CHERP: variants seen among roughly 807,000 people sequenced by gnomAD.
The protein encoded by CHERP is ERPROT 213-21.
CHERP carries 8 observed loss-of-function variants against 113.8 expected under a neutral mutation model. The observed-to-expected ratio is 0.07, with a 90% CI of 0.04 to 0.13. The LOEUF (loss-of-function observed/expected upper bound fraction) is 0.13. Ranked by LOEUF, CHERP falls within the 10% of genes least tolerant of loss-of-function variation. CHERP has a pLI of 1.00. For missense variants in CHERP, 884 were observed against 1,298.2 expected, an observed-to-expected ratio of 0.68 and a Z score of 4.90; for synonymous variants, 559 against 524.5, an observed-to-expected ratio of 1.07 and a Z score of -0.90.
chr19:16,533,869 C>A (rs926410235), intron 3 of CHERP, among the ~76,000 whole-genome samples: 2 of 151,988 alleles, frequency 1.3e-5, no homozygotes, highest in Admixed American at 6.6e-5. Context: ...AGAGGATACA[C>A]CCATGGCCTC....
chr19:16,522,360 G>A (rs2085624484), intron 11 of CHERP, among the ~76,000 whole-genome samples: 1 of 151,992 alleles, frequency 6.6e-6, no homozygotes. Context: ...CCGGGTTCAT[G>A]CCATTCTCCT....
At position 16,535,727 on chromosome 19, in the gene CHERP, C is replaced by G; in HGVS notation, c.200-91G>C. ...ACCTCTCAGCCACAGGGGCCTCCCC[C>G]TCCCCAGGGACTCACCATCCACGAG... On this transcript the variant is annotated intron_variant, in intron 2 of 16. Coordinates refer to ENST00000546361, the MANE Select transcript of CHERP (RefSeq NM_006387.6). The surrounding 1 kb of genome is among the most constrained non-coding windows in gnomAD (Gnocchi z 4.3). 1 of 1,251,500 alleles carries G rather than the reference C, an allele frequency of 8.0e-7. No individual in the cohort carries two copies. 77.5% of individuals were successfully genotyped at this position (1,251,500 alleles called of 1,614,324 possible). A position where few individuals can be genotyped will look rare whatever the true frequency, so the allele number is the denominator to read the frequency against.
At position 16,520,943 on chromosome 19, in the gene CHERP, C is replaced by T. The variant is rs766896734; in HGVS notation, c.2115-31G>A. 31 of 1,575,884 alleles carry T rather than the reference C, an allele frequency of 2.0e-5. No homozygotes were observed. The highest frequency in any genetic ancestry group is 8.3e-5 in the Admixed American group (5 of 59,980). Reference sequence around the variant, plus strand: ...AGACACGGCATTCCGTGTGTGACCACGTGACACCCACCCACAAGGAAGTCG... The same window carrying T: ...AGACACGGCATTCCGTGTGTGACCATGTGACACCCACCCACAAGGAAGTCG... On this transcript the variant is annotated intron_variant, in intron 12 of 16. Coordinates refer to ENST00000546361, the MANE Select transcript of CHERP (RefSeq NM_006387.6). The surrounding 1 kb of genome is among the most constrained non-coding windows in gnomAD (Gnocchi z 4.0).
intron 2 of CHERP, 105 bp downstream of exon 2, chr19:16,541,765 C>G (rs1004368976): frequency 8.0e-7 from 1 of 1,252,106 alleles, no homozygotes; most frequent in Non-Finnish European, 1.1e-6. Context: ...TGCTCCACTT[C>G]AAAGAATAAA....
chr19:16,521,495 C>A, intron 12 of CHERP, 26 bp downstream of exon 12: 2 of 1,542,290 alleles, frequency 1.3e-6, no homozygotes, highest in Non-Finnish European at 1.7e-6. Context: ...GGCCTCCCGC[C>A]CACCCCACTG....
chr19:16,541,017 G>T (rs1299573137), intron 2 of CHERP, among the ~76,000 whole-genome samples: 1 of 151,886 alleles, frequency 6.6e-6, no homozygotes, highest in African/African-American at 2.4e-5. Flanking sequence ...CTGTTTAATC[G>T]AACACCAACT....
At position 16,532,721 on chromosome 19, in the gene CHERP, G is replaced by C; in HGVS notation, c.551C>G (p.Ala184Gly). 5 of 1,612,036 alleles carry C rather than the reference G, an allele frequency of 3.1e-6. No individual in the cohort carries two copies. The highest frequency in any genetic ancestry group is 4.2e-6 in the Non-Finnish European group (5 of 1,178,606). ...SAGKNWMFSN[A>G]KSPPHCELMA... ...CAGCTCACAGTGCGGCGGGGACTTG[G>C]CATTGCTGAACATCCAGTTCTTCCC... is the stretch of plus-strand genomic sequence containing the variant. The change falls in exon 5 of 17, where the codon GCC becomes GGC. Residue 184 changes from alanine (A) to glycine (G), a missense_variant. This residue lies in a region of CHERP where 73 missense variants were observed against 182.4 expected (regional missense o/e 0.40). Coordinates refer to ENST00000546361, the MANE Select transcript of CHERP (RefSeq NM_006387.6). This position sits in a 1 kb window ranked among gnomAD's most constrained non-coding sequence, Gnocchi z 4.4.
rs1214267664 is a variant in CHERP, at chr19:16,518,731, AG to A, written c.*427del. The A allele has an allele frequency of 4.8e-6, 1 of 208,044 alleles. No homozygotes were observed. The highest frequency in any genetic ancestry group is 5.8e-5 in the Admixed American group (1 of 17,218). 12.9% of individuals were successfully genotyped at this position (208,044 alleles called of 1,614,324 possible). Reference sequence around the variant, plus strand: ...CAGGTCAGGGCCGGTGGGTGCGGGGAGCTGGAGGAAGGAGCTGGGGTGCCGG... The same window carrying A: ...CAGGTCAGGGCCGGTGGGTGCGGGGACTGGAGGAAGGAGCTGGGGTGCCGG... On this transcript the variant is annotated 3_prime_UTR_variant, in exon 17 of 17. Coordinates refer to ENST00000546361, the MANE Select transcript of CHERP (RefSeq NM_006387.6).
At chr19:16,524,786 C>T (rs1318907080) in intron 10 of CHERP, among the ~76,000 whole-genome samples, 1 of 149,156 alleles carries the variant, frequency 6.7e-6, no homozygotes, top group African/African-American at 2.5e-5. Context: ...TTTTTTGAGA[C>T]AGCGGTCTGT....
chr19:16,541,286 T>A (rs2085777875), intron 2 of CHERP: 1 of 152,294 alleles, frequency 6.6e-6, no homozygotes, highest in South Asian at 2.1e-4. Flanking sequence ...ATACCTGCCC[T>A]GAGCAGCCGC....
rs1261010072 is a variant in CHERP, at chr19:16,535,212, CAG to C, written c.384+238_384+239del. On this transcript the variant is annotated intron_variant, in intron 3 of 16. Transcript: ENST00000546361. This position sits in a 1 kb window ranked among gnomAD's most constrained non-coding sequence, Gnocchi z 4.3. ...TGCATACGTGCCCCACAGTCCCACT[CAG>C]GGGGGTCCACCCCAGGGTGATGGGT... 6.6e-6 allele frequency among the ~76,000 whole-genome samples: 1 copy of C among 152,252 alleles called. No homozygotes were observed. The highest frequency in any genetic ancestry group is 1.5e-5 in the Non-Finnish European group (1 of 68,040).
intron 10 of CHERP, among the ~76,000 whole-genome samples, chr19:16,524,769 G>GTT (rs925806394): frequency 2.1e-5 from 3 of 142,098 alleles, no homozygotes; most frequent in Non-Finnish European, 3.1e-5. Flanking sequence ...GTAGTTTTTT[G>GTT]TTTTTTTTTT....
intron 10 of CHERP, among the ~76,000 whole-genome samples, chr19:16,524,797 C>T (rs2085645589): frequency 1.3e-5 from 2 of 150,884 alleles, no homozygotes; most frequent in African/African-American, 2.4e-5. Context: ...AGCGGTCTGT[C>T]GCCCAGGGTG....
At position 16,535,505 on chromosome 19, in the gene CHERP, G is replaced by A; in HGVS notation, c.331C>T (p.Gln111Ter). ...TGCTGCTGGAGGTTCCACTGGCTCT[G>A]CTGGATGAGCTCGTCCATGGATGGC... The part of the protein sequence containing the change: ...GAPSMDELIQ[Q>*]SQWNLQQQEQ... Residue 111 changes from glutamine to a stop codon, truncating the protein, a stop_gained, in exon 3 of 17, where the codon CAG becomes TAG. Transcript: ENST00000546361. LOFTEE classifies it high-confidence loss of function. This position sits in a 1 kb window ranked among gnomAD's most constrained non-coding sequence, Gnocchi z 4.3. 6.2e-7 allele frequency: 1 copy of A among 1,608,774 alleles called. No homozygotes were observed. The highest frequency in any genetic ancestry group is 1.1e-5 in the South Asian group (1 of 90,128).
chr19:16,519,467 C>G lies in CHERP; in HGVS notation c.2558-115G>C, dbSNP rs114518758. ...ACATGGGAAATGGGTAGAGAGAACC[C>G]GCAGGCCGGCCCTGTCTAGAGGGTC... is the stretch of plus-strand genomic sequence containing the variant. On this transcript the variant is annotated intron_variant, in intron 16 of 16. Coordinates refer to ENST00000546361, the MANE Select transcript of CHERP (RefSeq NM_006387.6). The surrounding 1 kb of genome is among the most constrained non-coding windows in gnomAD (Gnocchi z 6.0). 6.5e-5 allele frequency: 84 copies of G among 1,296,182 alleles called. No homozygotes were observed. In the Middle Eastern group the frequency reaches 1.1e-3, roughly 16 times the overall value. The allele number at this position is 1,296,182 out of a possible 1,614,324, so 80.3% of individuals were successfully genotyped here. A position where few individuals can be genotyped will look rare whatever the true frequency, so the allele number is the denominator to read the frequency against.
intron 9 of CHERP, among the ~76,000 whole-genome samples, chr19:16,527,288 C>T (rs2085663062): frequency 6.6e-6 from 1 of 152,236 alleles, no homozygotes; most frequent in African/African-American, 2.4e-5. Context: ...TCCTGGCCAG[C>T]ACTTGGAGGT....
At chr19:16,531,626 G>A (rs1313227698) in intron 5 of CHERP, among the ~76,000 whole-genome samples, 1 of 152,248 alleles carries the variant, frequency 6.6e-6, no homozygotes, top group East Asian at 1.9e-4. Context: ...ACAGAGTAGA[G>A]CTAGAGAGGC....
chr19:16,533,245 T>A, intron 3 of CHERP, 97 bp from the exon 4 acceptor site: 1 of 1,251,392 alleles, frequency 8.0e-7, no homozygotes, highest in Non-Finnish European at 1.1e-6. Flanking sequence ...GGGGACATGG[T>A]GGCGATGCCC....
In CHERP at chr19:16,525,281, G is replaced by C. The variant is rs2085649416; in HGVS notation, c.1702C>G (p.Pro568Ala). ...CCCTGGGGGTAGTCGAAGCGGTGGG[G>C]ATAGGGCGGCCGCTCGAAGGGGTGC... ...PRHPFERPPY[P>A]HRFDYPQGDF... The change falls in exon 10 of 17, where the codon CCC becomes GCC. Residue 568 changes from proline (P) to alanine (A), a missense_variant. By Grantham distance (27) the Pro-to-Ala change is conservative. Around this residue, in one of 8 missense-constraint regions of CHERP, gnomAD observed 464 missense variants for 590.1 expected, o/e 0.79. Transcript: ENST00000546361. The surrounding 1 kb of genome is among the most constrained non-coding windows in gnomAD (Gnocchi z 6.5). The C allele has an allele frequency of 6.2e-6, 9 of 1,445,736 alleles. No individual in the cohort carries two copies. The highest frequency in any genetic ancestry group is 8.2e-6 in the Non-Finnish European group (9 of 1,097,512). 89.6% of individuals were successfully genotyped at this position (1,445,736 alleles called of 1,614,324 possible).
Sources: allele counts gnomAD v4.1 joint callset (sites outside exome capture counted in the v4.1 genomes callset), GRCh38; gene constraint gnomAD v4.1.1; regional missense constraint gnomAD v4.1.1; non-coding constraint Gnocchi (gnomAD v3.1); transcripts MANE v1.5; gene names NCBI Gene and HGNC (gene_info 2026-07-23, HGNC 2026-07-21).